Variants in ZC3H12B observed in about 807,000 individuals in gnomAD.
ZC3H12B encodes the protein zinc finger CCCH-type containing 12B.
ZC3H12B carries 7 observed loss-of-function variants against 43.9 expected under a neutral mutation model. That is an observed-to-expected ratio of 0.16 (90% CI 0.09 to 0.30). The LOEUF (loss-of-function observed/expected upper bound fraction) is 0.30. ZC3H12B is among the 10% of genes least tolerant of loss of function. The pLI is 1.00. For missense variants in ZC3H12B, 475 were observed against 670.2 expected (o/e 0.71, Z 3.22); for synonymous variants, 222 against 241.7 (o/e 0.92, Z 0.76).
chrX:65,088,217 A>G, the ZC3H12B span, among the ~76,000 whole-genome samples: 6 of 111,700 alleles, frequency 5.4e-5, no homozygotes, highest in African/African-American at 2.0e-4. Flanking sequence ...TCTCTTTAAA[A>G]ATCATCTATG....
At chrX:65,149,925 T>A in the ZC3H12B span, among the ~76,000 whole-genome samples, 1 of 109,928 alleles carries the variant, frequency 9.1e-6, no homozygotes, top group Admixed American at 9.8e-5. Context: ...TACCACACAT[T>A]GTCCAAGTAA....
At chrX:65,111,579 G>C in the ZC3H12B span, among the ~76,000 whole-genome samples, 1 of 107,423 alleles carries the variant, frequency 9.3e-6, no homozygotes, top group Non-Finnish European at 1.9e-5. Flanking sequence ...CAAATTGAAG[G>C]GTTTTGGCAA....
the ZC3H12B span, among the ~76,000 whole-genome samples, chrX:65,281,878 G>C: frequency 8.9e-6 from 1 of 111,828 alleles, no homozygotes; most frequent in African/African-American, 3.3e-5. Flanking sequence ...CAGCAGAGTG[G>C]AAAGACAACC....
At chrX:65,050,853 A>G in the ZC3H12B span, among the ~76,000 whole-genome samples, 1 of 111,534 alleles carries the variant, frequency 9.0e-6, no homozygotes, top group Non-Finnish European at 1.9e-5. Flanking sequence ...TTTTGCATCT[A>G]TGCTTATCAA....
intron 3 of ZC3H12B, among the ~76,000 whole-genome samples, chrX:65,456,534 C>T (rs1356484706): frequency 9.5e-6 from 1 of 105,112 alleles, no homozygotes; most frequent in African/African-American, 3.5e-5. Context: ...ACTGCAACCT[C>T]CCTGCCTGAT....
chrX:65,290,798 A>T, the ZC3H12B span, among the ~76,000 whole-genome samples: 2 of 111,311 alleles, frequency 1.8e-5, no homozygotes, highest in Non-Finnish European at 3.8e-5. Flanking sequence ...AGGAGTAAAA[A>T]AATTTGAACA....
chrX:65,341,216 G>T, the ZC3H12B span, among the ~76,000 whole-genome samples: 19 of 112,116 alleles, frequency 1.7e-4, no homozygotes, highest in East Asian at 5.3e-3. Context: ...TATGTAATAA[G>T]CCCAATACTA....
chrX:65,191,424 G>A, the ZC3H12B span, among the ~76,000 whole-genome samples: 1 of 98,364 alleles, frequency 1.0e-5, no homozygotes, highest in East Asian at 3.1e-4. Flanking sequence ...GAATCCATCT[G>A]GTCCTGGACT....
the ZC3H12B span, among the ~76,000 whole-genome samples, chrX:65,175,387 C>A: frequency 8.9e-6 from 1 of 112,067 alleles, no homozygotes; most frequent in Non-Finnish European, 1.9e-5. Context: ...AAATTTCCCC[C>A]ATGTCATGAA....
chrX:65,378,825 C>T (rs939611749), intron 2 of ZC3H12B, among the ~76,000 whole-genome samples: 2 of 112,683 alleles, frequency 1.8e-5, no homozygotes, highest in Admixed American at 9.3e-5. Flanking sequence ...GTTCCCTTTC[C>T]TAGTCAAAGA....
chrX:65,453,940 C>A (rs771572529), intron 3 of ZC3H12B, among the ~76,000 whole-genome samples: 3 of 111,566 alleles, frequency 2.7e-5, no homozygotes, highest in Non-Finnish European at 5.7e-5. Flanking sequence ...GGGTGAGAGA[C>A]AAAAGACTAC....
At position 65,488,892 on chromosome X, in the gene ZC3H12B, C is replaced by T; in HGVS notation, c.91C>T (p.Gln31Ter). Residue 31 changes from glutamine to a stop codon, truncating the protein, a stop_gained, in exon 1 of 5, where the codon CAG (glutamine) becomes TAG (stop). Transcript: ENST00000338957. LOFTEE classifies it high-confidence loss of function. ...GCAGCCTAAGCAGGACAGCACAGAG[C>T]AGGGCAATGCTGATTCTGAAGAGTG... 1 of 1,210,103 alleles carries T rather than the reference C, an allele frequency of 8.3e-7. No individual in the cohort carries two copies. The highest frequency in any genetic ancestry group is 1.1e-6 in the Non-Finnish European group (1 of 894,746).
the ZC3H12B span, among the ~76,000 whole-genome samples, chrX:65,342,042 C>G: frequency 3.6e-5 from 4 of 110,702 alleles, no homozygotes; most frequent in Admixed American, 9.6e-5. Flanking sequence ...ATGACAAACA[C>G]AGGCTAAAAA....
chrX:65,182,692 T>A, the ZC3H12B span, among the ~76,000 whole-genome samples: 1 of 108,439 alleles, frequency 9.2e-6, no homozygotes, highest in Non-Finnish European at 1.9e-5. Context: ...ATATCCAGAA[T>A]CTTTAAGGAA....
At chrX:65,269,663 CTTT>C in the ZC3H12B span, among the ~76,000 whole-genome samples, 1 of 108,181 alleles carries the variant, frequency 9.2e-6, no homozygotes, top group Non-Finnish European at 1.9e-5. Context: ...TCACACCTGG[CTTT>C]TTTTTTCTTC....
At chrX:65,380,535 A>G (rs1284734948) in intron 2 of ZC3H12B, among the ~76,000 whole-genome samples, 1 of 111,965 alleles carries the variant, frequency 8.9e-6, no homozygotes, top group Non-Finnish European at 1.9e-5. Context: ...AAGACTAAGA[A>G]GAAACTGCAT....
At chrX:65,131,221 A>G in the ZC3H12B span, among the ~76,000 whole-genome samples, 2 of 111,635 alleles carry the variant, frequency 1.8e-5, no homozygotes, top group African/African-American at 6.5e-5. Context: ...ATACTATAGC[A>G]TAGCCTGCCT....
intron 3 of ZC3H12B, among the ~76,000 whole-genome samples, chrX:65,410,951 G>T (rs2066896968): frequency 8.9e-6 from 1 of 112,136 alleles, no homozygotes; most frequent in African/African-American, 3.2e-5. Context: ...CAATCCCACT[G>T]CAGAATATGT....
chrX:65,194,020 G>A, the ZC3H12B span, among the ~76,000 whole-genome samples: 4 of 109,913 alleles, frequency 3.6e-5, no homozygotes, highest in East Asian at 1.2e-3. Flanking sequence ...GAAGGGTGGA[G>A]TTGTCACATA....
Sources: gnomAD v4.1 joint callset for allele counts (sites outside exome capture counted in the v4.1 genomes callset) on GRCh38, gnomAD v4.1.1 for gene constraint, MANE v1.5 for transcripts, NCBI Gene and HGNC (gene_info 2026-07-23, HGNC 2026-07-21) for gene names.